Variants in TCERG1 observed in about 807,000 individuals in gnomAD.
TCERG1 encodes the protein transcription elongation regulator 1.
In TCERG1, 37 loss-of-function variants were observed where a neutral mutation model predicts 144.7. The ratio of observed to expected loss-of-function variants is 0.26; its 90% CI spans 0.20 to 0.34. The LOEUF (loss-of-function observed/expected upper bound fraction) is 0.34, where lower values mean the gene tolerates loss of function less well. Ranked by LOEUF, TCERG1 falls within the 10% of genes least tolerant of loss-of-function variation. The pLI, the probability that TCERG1 is intolerant of heterozygous loss-of-function variation, is 1.00. For synonymous variants in TCERG1, 492 were observed against 458.2 expected (o/e 1.07, Z -0.94); for missense variants, 1,027 against 1,380.7 (o/e 0.74, Z 4.06).
chr5:146,458,691 T>A (rs1471046592), intron 3 of TCERG1, among the ~76,000 whole-genome samples, 193 bp from the exon 4 acceptor site: 1 of 151,836 alleles, frequency 6.6e-6, no homozygotes, highest in East Asian at 1.9e-4. Flanking sequence ...GCCAGGCTGG[T>A]TGGTCTTGAA....
intron 9 of TCERG1, among the ~76,000 whole-genome samples, chr5:146,477,596 T>C (rs199563629): frequency 6.7e-6 from 1 of 150,136 alleles, no homozygotes; most frequent in East Asian, 2.1e-4. Flanking sequence ...GTTTTTTTTT[T>C]CCTTTGAGTT....
At chr5:146,497,970 A>G (rs1044986057) in intron 16 of TCERG1, among the ~76,000 whole-genome samples, 12 of 152,254 alleles carry the variant, frequency 7.9e-5, no homozygotes, top group Admixed American at 6.5e-4. Context: ...CTCTCTTTGT[A>G]GATTCCTCTT....
rs748924822 is a variant in TCERG1 at position 146,507,106 on chromosome 5, T to C, written c.2860T>C (p.Leu954=). The C allele has an allele frequency of 6.2e-6, 10 of 1,613,598 alleles. No homozygotes were observed. The East Asian group carries it at 8.9e-5, about 14-fold the overall frequency. The change falls in exon 20 of 23, where the codon TTG becomes CTG. Residue 954 remains leucine, a synonymous_variant. Transcript: ENST00000679501. The surrounding 1 kb of genome is among the most constrained non-coding windows in gnomAD (Gnocchi z 4.6). Reference sequence around the variant, plus strand: ...TCACCGCTGGGAATCTGGATCCTTATTGGAAAGAGAGGAGAAAGAGAAGCT... The same window carrying C: ...TCACCGCTGGGAATCTGGATCCTTACTGGAAAGAGAGGAGAAAGAGAAGCT... The part of the protein sequence containing the change: ...KDHRWESGSL[L]EREEKEKLFN...
At position 146,463,622 on chromosome 5, in the gene TCERG1, C is replaced by G; in HGVS notation, c.964C>G (p.Pro322Ala). Residue 322 changes from proline to alanine, a missense_variant, in exon 5 of 23, where the codon CCT becomes GCT. This residue lies in a region of TCERG1 where 187 missense variants were observed against 169.1 expected (regional missense o/e 1.11). Transcript: ENST00000679501. ...CACGCCTACAGTTAGTGTTTCAACT[C>G]CTGCTCCTACAGCCACACCTGTGCA... is the stretch of plus-strand genomic sequence containing the variant. ...VATPTVSVST[P>A]APTATPVQTV... is the part of the protein sequence containing the mutation. 2 of 1,614,216 alleles carry G rather than the reference C, an allele frequency of 1.2e-6. No homozygotes were observed. Among genetic ancestry groups the G allele is most frequent in the Non-Finnish European group, 1.7e-6 (2 of 1,180,048 alleles).
intron 16 of TCERG1, among the ~76,000 whole-genome samples, chr5:146,497,345 C>T (rs562089464): frequency 6.6e-6 from 1 of 152,202 alleles, no homozygotes; most frequent in Admixed American, 6.6e-5. Flanking sequence ...TGGAGTCTCA[C>T]TGTGTTGCTT....
At chr5:146,489,881 T>C (rs191887191) in intron 15 of TCERG1, among the ~76,000 whole-genome samples, 2 of 152,090 alleles carry the variant, frequency 1.3e-5, no homozygotes, top group Non-Finnish European at 2.9e-5. Context: ...TGACACAAAT[T>C]AGGAGCAACT....
chr5:146,499,506 G>A (rs993131367), intron 17 of TCERG1: 2 of 152,110 alleles, frequency 1.3e-5, no homozygotes, highest in African/African-American at 4.8e-5. Context: ...CTAATTATCC[G>A]ATTTATTGGG....
chr5:146,494,783 A>C (rs1766732851), intron 16 of TCERG1, among the ~76,000 whole-genome samples: 1 of 152,128 alleles, frequency 6.6e-6, no homozygotes, highest in Admixed American at 6.6e-5. Context: ...GAAATTACTG[A>C]ACTGTGCCTG....
chr5:146,448,235 T>G (rs1394184051), intron 1 of TCERG1, among the ~76,000 whole-genome samples: 1 of 152,232 alleles, frequency 6.6e-6, no homozygotes, highest in Non-Finnish European at 1.5e-5. Context: ...AGGAAGTGGC[T>G]TGAACTCAGG....
At chr5:146,486,437 A>G (rs972219253) in intron 15 of TCERG1, among the ~76,000 whole-genome samples, 3 of 152,250 alleles carry the variant, frequency 2.0e-5, no homozygotes, top group African/African-American at 7.2e-5. Flanking sequence ...TTTTAATTGA[A>G]TAACATTTTC....
Position 146,510,450 on chromosome 5 carries a change from A to G in TCERG1, c.3156A>G (p.Lys1052=), listed in dbSNP as rs1218692169. The change falls in exon 23 of 23, where the codon AAA becomes AAG. Residue 1052 remains lysine, a synonymous_variant. Transcript: ENST00000679501. Reference sequence around the variant, plus strand: ...CTTTTTCTTATTTCAGATCCAAAAAATTAATCCAAGAATCAGATCAGCACC... The same window carrying G: ...CTTTTTCTTATTTCAGATCCAAAAAGTTAATCCAAGAATCAGATCAGCACC... ...ETKFITYRSK[K]LIQESDQHLK... 3.7e-6 allele frequency: 6 copies of G among 1,613,068 alleles called. No individual in the cohort carries two copies. Among genetic ancestry groups the G allele is most frequent in the Non-Finnish European group, 5.1e-6 (6 of 1,179,252 alleles).
chr5:146,505,846 G>A (rs942939239), intron 19 of TCERG1, among the ~76,000 whole-genome samples: 1 of 152,068 alleles, frequency 6.6e-6, no homozygotes, highest in African/African-American at 2.4e-5. Context: ...GCATGATCTT[G>A]GCTCACTGCA....
In TCERG1 at chr5:146,471,494, AAAG is replaced by A. The variant is rs780249882; in HGVS notation, c.1524_1526del (p.Glu510del). ...GTAATATCATTTCTTGTAGGAGCCC[AAAG>A]AAGAGGAGATGACTGAAGAAGAAAA... is the stretch of plus-strand genomic sequence containing the variant. On this transcript the variant is annotated inframe_deletion, in exon 9 of 23. Transcript: ENST00000679501. 1 of 1,612,578 alleles carries A rather than the reference AAAG, an allele frequency of 6.2e-7. No individual in the cohort carries two copies. The highest frequency in any genetic ancestry group is 1.7e-5 in the Admixed American group (1 of 59,760).
Position 146,507,227 on chromosome 5 carries a change from C to A in TCERG1, c.2961+20C>A. The A allele has an allele frequency of 5.2e-6, 8 of 1,552,694 alleles. No individual in the cohort carries two copies. The highest frequency in any genetic ancestry group is 6.1e-6 in the Non-Finnish European group (7 of 1,154,066). On this transcript the variant is annotated intron_variant, in intron 20 of 22. Transcript: ENST00000679501. The surrounding 1 kb of genome is among the most constrained non-coding windows in gnomAD (Gnocchi z 4.6). ...TCTGCAGTAAGAATCTCTTATTTTT[C>A]TCATTTTAATCTGGATGAATCTTGT...
intron 10 of TCERG1, 84 bp downstream of exon 10, chr5:146,478,737 C>A (rs1232505407): frequency 2.2e-6 from 3 of 1,350,014 alleles, no homozygotes; most frequent in East Asian, 2.6e-5. Context: ...ATTTAGAAAC[C>A]CTTTATTTTT....
chr5:146,468,272 C>A, intron 5 of TCERG1, 69 bp from the exon 6 acceptor site: 1 of 1,210,992 alleles, frequency 8.3e-7, no homozygotes, highest in South Asian at 1.8e-5. Flanking sequence ...AAATTATTTC[C>A]CTGAATCCCA....
At chr5:146,459,915 C>G (rs1763189974) in intron 4 of TCERG1, among the ~76,000 whole-genome samples, 1 of 152,030 alleles carries the variant, frequency 6.6e-6, no homozygotes, top group Admixed American at 6.5e-5. Flanking sequence ...TAGGAAACTT[C>G]TGAGGTGAGA....
intron 4 of TCERG1, among the ~76,000 whole-genome samples, chr5:146,460,318 G>A (rs555722804): frequency 1.3e-4 from 19 of 151,608 alleles, no homozygotes; most frequent in African/African-American, 3.4e-4. Context: ...CTTTCTTTTT[G>A]GGGGGTTTCT....
intron 2 of TCERG1, among the ~76,000 whole-genome samples, chr5:146,456,189 C>A (rs1414261031): frequency 2.0e-5 from 3 of 152,168 alleles, no homozygotes; most frequent in African/African-American, 7.2e-5. Flanking sequence ...TTATGGCCTT[C>A]CTAATAACGA....
Sources: allele counts gnomAD v4.1 joint callset (sites outside exome capture counted in the v4.1 genomes callset), GRCh38; gene constraint gnomAD v4.1.1; regional missense constraint gnomAD v4.1.1; non-coding constraint Gnocchi (gnomAD v3.1); transcripts MANE v1.5; gene names NCBI Gene and HGNC (gene_info 2026-07-23, HGNC 2026-07-21).